The following WWOX variants were observed in gnomAD, a reference collection of about 807,000 sequenced individuals.
WWOX encodes the protein WW domain containing oxidoreductase.
WWOX carries 69 observed loss-of-function variants against 46.2 expected under a neutral mutation model. That is an observed-to-expected ratio of 1.49 (90% CI 1.23 to 1.82). The LOEUF (loss-of-function observed/expected upper bound fraction) is 1.82. WWOX is among the 40% of genes most tolerant of loss of function. The pLI, the probability that WWOX is intolerant of heterozygous loss-of-function variation, is 0.00. For synonymous variants in WWOX, 359 were observed against 202.6 expected (o/e 1.77, Z -6.56); for missense variants, 919 against 542.6 (o/e 1.69, Z -6.89).
chr16:78,971,318 G>C (rs1253329200), intron 8 of WWOX, among the ~76,000 whole-genome samples: 1 of 151,684 alleles, frequency 6.6e-6, no homozygotes, highest in Non-Finnish European at 1.5e-5. Context: ...ACAAAAATTA[G>C]GTGGCAGGCA....
chr16:79,006,822 C>G (rs574843094), intron 8 of WWOX, among the ~76,000 whole-genome samples: 62 of 152,242 alleles, frequency 4.1e-4, no homozygotes, highest in African/African-American at 1.4e-3. Context: ...CTGGCTGAGT[C>G]TTTCTCATGC....
rs570009453 is a variant in WWOX, at chr16:78,516,195, G to T, written c.1056+83443G>T. Reference sequence around the variant, plus strand: ...AAGACCACAGCTGACAGCGCCCCGGGAGTCCTTCACACTCTTCTCTGAGCT... The same window carrying T: ...AAGACCACAGCTGACAGCGCCCCGGTAGTCCTTCACACTCTTCTCTGAGCT... On this transcript the variant is annotated intron_variant, in intron 8 of 8. Transcript: ENST00000566780. 1.1e-4 allele frequency among the ~76,000 whole-genome samples: 16 copies of T among 152,268 alleles called. No individual in the cohort carries two copies. The South Asian group carries it at 3.1e-3, about 30-fold the overall frequency.
At chr16:79,095,647 A>G (rs533477017) in intron 8 of WWOX, among the ~76,000 whole-genome samples, 1 of 152,242 alleles carries the variant, frequency 6.6e-6, no homozygotes, top group South Asian at 2.1e-4. Context: ...GTAGGCTCTA[A>G]CCTGGCAGGT....
chr16:78,838,581 C>G (rs754668097), intron 8 of WWOX, among the ~76,000 whole-genome samples: 1 of 152,162 alleles, frequency 6.6e-6, no homozygotes, highest in Non-Finnish European at 1.5e-5. Flanking sequence ...GTGGCTCACT[C>G]CTGTAATCCC....
At position 78,559,321 on chromosome 16, in the gene WWOX, C is replaced by T. The variant is rs149578066; in HGVS notation, c.1056+126569C>T. Among the ~76,000 whole-genome samples, 877 of 152,274 alleles carry T rather than the reference C, an allele frequency of 5.8e-3. 16 individuals are homozygous for T. Among genetic ancestry groups the T allele is most frequent in the African/African-American group, 0.02 (845 of 41,556 alleles). The stretch of plus-strand genomic sequence containing the variant: ...GATTTGTGAGGGTCAGGACTGGTAG[C>T]AGGTGGGCTCCTAGAATAGTCCCGG... On this transcript the variant is annotated intron_variant, in intron 8 of 8. Coordinates refer to ENST00000566780, the MANE Select transcript of WWOX (RefSeq NM_016373.4).
At chr16:79,092,653 A>G (rs4888924) in intron 8 of WWOX, among the ~76,000 whole-genome samples, 109,032 of 152,132 alleles carry the variant, frequency 0.72, 40,525 homozygotes, top group African/African-American at 0.93. Flanking sequence ...GTCGTTGGCG[A>G]GGAGTGAATT....
intron 8 of WWOX, among the ~76,000 whole-genome samples, chr16:78,653,357 T>C (rs1237956165): frequency 6.6e-6 from 1 of 152,236 alleles, no homozygotes; most frequent in South Asian, 2.1e-4. Flanking sequence ...CCTTACACTT[T>C]TTGTAAAAGT....
chr16:78,526,944 C>T lies in WWOX; in HGVS notation c.1056+94192C>T, dbSNP rs953164869. 2.2e-4 allele frequency among the ~76,000 whole-genome samples: 34 copies of T among 152,140 alleles called. 1 individual carries two copies. The highest frequency in any genetic ancestry group is 5.9e-5 in the Non-Finnish European group (4 of 68,028). On this transcript the variant is annotated intron_variant, in intron 8 of 8. Coordinates refer to ENST00000566780, the MANE Select transcript of WWOX (RefSeq NM_016373.4). ...CTTTGGGAGGCCGAGGCAGGTGGAT[C>T]ACCTGAGGTCAGGAGTTCAAGACCA...
intron 8 of WWOX, among the ~76,000 whole-genome samples, chr16:78,902,494 T>C (rs2044854794): frequency 6.6e-6 from 1 of 152,196 alleles, no homozygotes; most frequent in Non-Finnish European, 1.5e-5. Flanking sequence ...CATTTCACAA[T>C]GTCAGGCATC....
intron 8 of WWOX, among the ~76,000 whole-genome samples, chr16:78,571,315 T>C (rs1225948220): frequency 6.6e-6 from 1 of 152,184 alleles, no homozygotes; most frequent in East Asian, 1.9e-4. Flanking sequence ...CCCAGTACAC[T>C]TGGGAGCCAA....
intron 8 of WWOX, among the ~76,000 whole-genome samples, chr16:78,603,498 C>G (rs2045672622): frequency 6.6e-6 from 1 of 152,140 alleles, no homozygotes; most frequent in Admixed American, 6.5e-5. Context: ...AGTTCGAGAC[C>G]AGCCTGGCCA....
chr16:78,270,761 C>A (rs1004169755), intron 5 of WWOX, among the ~76,000 whole-genome samples: 4 of 152,062 alleles, frequency 2.6e-5, no homozygotes, highest in Admixed American at 2.6e-4. Context: ...TAGGAATGAA[C>A]CAATTATGGC....
chr16:78,377,393 TAATA>T (rs1351876625), intron 5 of WWOX, among the ~76,000 whole-genome samples: 1 of 152,242 alleles, frequency 6.6e-6, no homozygotes, highest in Non-Finnish European at 1.5e-5. Flanking sequence ...TATGCCATTA[TAATA>T]AATATTATGA....
intron 8 of WWOX, among the ~76,000 whole-genome samples, chr16:78,861,929 A>G (rs1027997595): frequency 1.3e-5 from 2 of 152,176 alleles, no homozygotes; most frequent in South Asian, 4.1e-4. Flanking sequence ...AACATTTGAG[A>G]AAGATTTGGT....
At chr16:78,826,935 G>A (rs528625521) in intron 8 of WWOX, among the ~76,000 whole-genome samples, 88 of 152,232 alleles carry the variant, frequency 5.8e-4, no homozygotes, top group African/African-American at 2.0e-3. Flanking sequence ...CGGACACCAA[G>A]CTATTACATT....
Position 78,944,173 on chromosome 16 carries a change from A to G in WWOX, c.1057-267435A>G, listed in dbSNP as rs374320912. Among the ~76,000 whole-genome samples the G allele has an allele frequency of 3.9e-5, 6 of 152,122 alleles. No individual in the cohort carries two copies. The East Asian group carries it at 5.8e-4, about 15-fold the overall frequency. ...GTTGTTGATTGATTTTTGTCTTTCAAGACTCAGCACAACACATCCCATCCT... is the reference window on the plus strand; with the variant it reads ...GTTGTTGATTGATTTTTGTCTTTCAGGACTCAGCACAACACATCCCATCCT... On this transcript the variant is annotated intron_variant, in intron 8 of 8. Transcript: ENST00000566780.
At chr16:78,807,120 G>A (rs967337836) in intron 8 of WWOX, among the ~76,000 whole-genome samples, 1 of 152,182 alleles carries the variant, frequency 6.6e-6, no homozygotes, top group African/African-American at 2.4e-5. Flanking sequence ...TCTTTGGTGG[G>A]TCCATGTATT....
intron 5 of WWOX, among the ~76,000 whole-genome samples, chr16:78,243,113 C>T (rs1026411631): frequency 2.6e-4 from 39 of 152,236 alleles, no homozygotes; most frequent in Middle Eastern, 3.4e-3. Context: ...CCATGATGCT[C>T]TCTTGCATTT....
chr16:78,647,083 T>C (rs2046861757), intron 8 of WWOX, among the ~76,000 whole-genome samples: 1 of 152,160 alleles, frequency 6.6e-6, no homozygotes, highest in African/African-American at 2.4e-5. Flanking sequence ...TCCCCGATGA[T>C]GGCCAAGCCT....
Sources: gnomAD v4.1 joint callset for allele counts (sites outside exome capture counted in the v4.1 genomes callset) on GRCh38, gnomAD v4.1.1 for gene constraint, MANE v1.5 for transcripts, NCBI Gene and HGNC (gene_info 2026-07-23, HGNC 2026-07-21) for gene names.